Variants in ZNF292 observed in about 807,000 individuals in gnomAD.
ZNF292 encodes the protein 16 zinc-finger domain protein.
A neutral mutation model predicts 217.9 loss-of-function variants in ZNF292; 26 were observed. The ratio of observed to expected loss-of-function variants is 0.12; its 90% confidence interval spans 0.09 to 0.17. The LOEUF is 0.17. Ranked by LOEUF, ZNF292 falls within the 10% of genes least tolerant of loss-of-function variation. The probability of loss-of-function intolerance (pLI) is 1.00; values close to 1 mark genes in which losing one functional copy is unlikely to be tolerated. For synonymous variants in ZNF292, 1,257 were observed against 1,124.1 expected (o/e 1.12, Z -2.37); for missense variants, 2,904 against 3,175.2 (o/e 0.91, Z 2.05).
In ZNF292 at chr6:87,261,934, G is replaced by GAA. The variant is rs35541349; in HGVS notation, c.*142_*143dup. 3,924 of 535,814 alleles carry GAA rather than the reference G, an allele frequency of 7.3e-3. No homozygotes were observed. The highest frequency in any genetic ancestry group is 0.015 in the South Asian group (269 of 17,684). 33.2% of individuals were successfully genotyped at this position (535,814 alleles called of 1,614,324 possible). On this transcript the variant is annotated 3_prime_UTR_variant, in exon 8 of 8. Transcript: ENST00000369577. ...AATTAACCTGGCCAAAAACAAAAAA[G>GAA]AAAAAAAAAACATGACATTTGTCAT...
chr6:87,169,734 C>A (rs1331391199), intron 1 of ZNF292: 9 of 439,856 alleles, frequency 2.0e-5, no homozygotes, highest in Non-Finnish European at 3.7e-5. Context: ...TCAGCGTCCA[C>A]CTCCCGGGCT....
Position 87,261,853 on chromosome 6 carries a change from C to G in ZNF292, c.*52C>G, listed in dbSNP as rs1383135937. 1 of 1,243,176 alleles carries G rather than the reference C, an allele frequency of 8.0e-7. No individual in the cohort carries two copies. The highest frequency in any genetic ancestry group is 1.1e-6 in the Non-Finnish European group (1 of 920,504). 77.0% of individuals were successfully genotyped at this position (1,243,176 alleles called of 1,614,324 possible). ...TTACCATTTTATTTTAAATAGGAAG[C>G]CATCAAGCATGCTAGAATTGTGAAA... On this transcript the variant is annotated 3_prime_UTR_variant, in exon 8 of 8. Coordinates refer to ENST00000369577, the MANE Select transcript of ZNF292 (RefSeq NM_015021.3).
In ZNF292 at chr6:87,256,835, A is replaced by G; in HGVS notation, c.3206A>G (p.Glu1069Gly). The G allele has an allele frequency of 6.2e-7, 1 of 1,613,764 alleles. No homozygotes were observed. The highest frequency in any genetic ancestry group is 1.1e-5 in the South Asian group (1 of 91,082). Residue 1069 changes from glutamate to glycine, a missense_variant, in exon 8 of 8, where the codon GAA becomes GGA. Around this residue, in one of 15 missense-constraint regions of ZNF292, gnomAD observed 687 missense variants for 623.0 expected, o/e 1.10. Coordinates refer to ENST00000369577, the MANE Select transcript of ZNF292 (RefSeq NM_015021.3). ...NLYNLPLKTL[E>G]SIAFVPPQSD... ...TATAATTTACCTCTTAAGACATTAG[A>G]AAGTATTGCATTTGTTCCACCGCAG...
chr6:87,218,667 T>C lies in ZNF292; in HGVS notation c.474T>C (p.Thr158=). 2.5e-6 allele frequency: 4 copies of C among 1,593,922 alleles called. No individual in the cohort carries two copies. The Admixed American group carries it at 7.0e-5, about 28-fold the overall frequency. The change falls in exon 4 of 8, where the codon ACT becomes ACC. Residue 158 remains threonine (T), a synonymous_variant. Coordinates refer to ENST00000369577, the MANE Select transcript of ZNF292 (RefSeq NM_015021.3). ...LHFLATLAQE[T]GVWKNPVLCT... ...TTTTAGCTACTCTAGCTCAAGAGAC[T>C]GGGGTGTGGAAAAACCCGGTACTGT...
chr6:87,218,658 T>C lies in ZNF292; in HGVS notation c.465T>C (p.Ala155=), dbSNP rs759952590. ...AATTGCATTTTTTAGCTACTCTAGC[T>C]CAAGAGACTGGGGTGTGGAAAAACC... ...SCELHFLATL[A]QETGVWKNPV... is the part of the protein sequence containing the mutation. The change falls in exon 4 of 8, where the codon GCT becomes GCC. Residue 155 remains alanine, a synonymous_variant. Transcript: ENST00000369577. 3.1e-6 allele frequency: 5 copies of C among 1,589,448 alleles called. No homozygotes were observed. Among genetic ancestry groups the C allele is most frequent in the Non-Finnish European group, 4.3e-6 (5 of 1,167,584 alleles).
chr6:87,168,280 T>A (rs1282674511), intron 1 of ZNF292, among the ~76,000 whole-genome samples: 1 of 152,252 alleles, frequency 6.6e-6, no homozygotes, highest in African/African-American at 2.4e-5. Flanking sequence ...TTGCTCAGTA[T>A]GACCCAGTGT....
chr6:87,204,129 C>T (rs1052689270), intron 1 of ZNF292, among the ~76,000 whole-genome samples: 1 of 152,044 alleles, frequency 6.6e-6, no homozygotes, highest in Admixed American at 6.5e-5. Context: ...AAATAGGTGG[C>T]CTATAATAAT....
chr6:87,192,175 C>T (rs889586936), intron 1 of ZNF292, among the ~76,000 whole-genome samples: 5 of 152,136 alleles, frequency 3.3e-5, no homozygotes, highest in African/African-American at 1.2e-4. Flanking sequence ...ATGCTTTTAA[C>T]ATAGAACTTT....
intron 1 of ZNF292, among the ~76,000 whole-genome samples, chr6:87,211,098 G>A (rs1772463839): frequency 6.6e-6 from 1 of 152,182 alleles, no homozygotes; most frequent in Non-Finnish European, 1.5e-5. Flanking sequence ...GTATGGTGGA[G>A]TGTGTCTTTA....
In ZNF292 at chr6:87,264,264, A is replaced by G. The variant is rs1311312430; in HGVS notation, c.*2463A>G. 6.6e-6 allele frequency: 1 copy of G among 152,178 alleles called. No individual in the cohort carries two copies. The highest frequency in any genetic ancestry group is 1.5e-5 in the Non-Finnish European group (1 of 68,030). The allele number at this position is 152,178 out of a possible 1,614,324, so 9.4% of individuals were successfully genotyped here. A position where few individuals can be genotyped will look rare whatever the true frequency, so the allele number is the denominator to read the frequency against. Reference sequence around the variant, plus strand: ...TAAATTTGCTAAAGTTTCATCACTAAAAAGTAGGAGTTTTTCCTCTTCTGA... The same window carrying G: ...TAAATTTGCTAAAGTTTCATCACTAGAAAGTAGGAGTTTTTCCTCTTCTGA... On this transcript the variant is annotated 3_prime_UTR_variant, in exon 8 of 8. Coordinates refer to ENST00000369577, the MANE Select transcript of ZNF292 (RefSeq NM_015021.3).
intron 4 of ZNF292, among the ~76,000 whole-genome samples, chr6:87,220,196 A>G (rs1264443571): frequency 6.6e-6 from 1 of 152,094 alleles, no homozygotes; most frequent in Non-Finnish European, 1.5e-5. Flanking sequence ...TTTATTCCCA[A>G]TAGATTAATA....
At chr6:87,231,178 C>G (rs1457762213) in intron 4 of ZNF292, among the ~76,000 whole-genome samples, 1 of 152,088 alleles carries the variant, frequency 6.6e-6, no homozygotes, top group African/African-American at 2.4e-5. Flanking sequence ...TTCAATAGGA[C>G]TGAATTGAGT....
chr6:87,236,148 C>T (rs1773894696), intron 5 of ZNF292, among the ~76,000 whole-genome samples: 1 of 152,220 alleles, frequency 6.6e-6, no homozygotes, highest in Non-Finnish European at 1.5e-5. Context: ...CCACCCTACT[C>T]TTTGTCCACT....
At chr6:87,230,492 G>C (rs1286501409) in intron 4 of ZNF292, among the ~76,000 whole-genome samples, 2 of 152,116 alleles carry the variant, frequency 1.3e-5, no homozygotes, top group Non-Finnish European at 2.9e-5. Context: ...CCAGCACTTT[G>C]GGAGGCTGAG....
At chr6:87,156,442 C>G (rs1417348725) in intron 1 of ZNF292, among the ~76,000 whole-genome samples, 12 of 152,220 alleles carry the variant, frequency 7.9e-5, no homozygotes, top group Admixed American at 7.2e-4. Context: ...AAAGCTTTAT[C>G]TCCTTAGTGT....
intron 1 of ZNF292, among the ~76,000 whole-genome samples, chr6:87,162,982 A>G (rs1770801224): frequency 6.6e-6 from 1 of 152,180 alleles, no homozygotes. Context: ...GACTTTTAAC[A>G]ATGTATTATT....
intron 1 of ZNF292, among the ~76,000 whole-genome samples, chr6:87,202,517 T>G (rs1218568506): frequency 6.6e-6 from 1 of 152,206 alleles, no homozygotes; most frequent in East Asian, 1.9e-4. Context: ...ATTGTGCTGA[T>G]TAGCCCTACA....
intron 1 of ZNF292, among the ~76,000 whole-genome samples, chr6:87,160,555 A>G (rs920089632): frequency 6.6e-6 from 1 of 151,478 alleles, no homozygotes; most frequent in African/African-American, 2.4e-5. Flanking sequence ...TACAGAGGAT[A>G]TAAGATACAG....
chr6:87,182,407 G>A (rs1225959980), intron 1 of ZNF292, among the ~76,000 whole-genome samples: 1 of 152,094 alleles, frequency 6.6e-6, no homozygotes, highest in Non-Finnish European at 1.5e-5. Context: ...GAGTAAATTA[G>A]CAAATGACAG....
Sources: gnomAD v4.1 joint callset for allele counts (sites outside exome capture counted in the v4.1 genomes callset) on GRCh38, gnomAD v4.1.1 for gene constraint, gnomAD v4.1.1 regional missense constraint, MANE v1.5 for transcripts, NCBI Gene and HGNC (gene_info 2026-07-23, HGNC 2026-07-21) for gene names.